Variants in MUSK observed in about 807,000 individuals in gnomAD.
The protein encoded by MUSK is muscle, skeletal receptor tyrosine-protein kinase.
MUSK carries 55 observed loss-of-function variants against 88.7 expected under a neutral mutation model. The observed-to-expected ratio is 0.62, with a 90% CI of 0.50 to 0.78. The LOEUF is 0.78. Among genes scored for constraint, MUSK ranks in the 30% least tolerant of loss-of-function variants. MUSK has a pLI of 0.00. For missense variants in MUSK, 1,015 were observed against 1,074.3 expected, an observed-to-expected ratio of 0.94 and a Z score of 0.77; for synonymous variants, 387 against 391.9, an observed-to-expected ratio of 0.99 and a Z score of 0.15.
At chr9:110,753,339 T>A (rs1454462209) in intron 7 of MUSK, among the ~76,000 whole-genome samples, 1 of 151,208 alleles carries the variant, frequency 6.6e-6, no homozygotes, top group African/African-American at 2.4e-5. Context: ...GGCCGAGGCA[T>A]GAGAGTCACT....
At chr9:110,697,615 A>G in intron 5 of MUSK, 149 bp downstream of exon 5, 2 of 806,292 alleles carry the variant, frequency 2.5e-6, no homozygotes, top group Non-Finnish European at 3.5e-6. Context: ...CAAGCGTATG[A>G]TAACAGAAAA....
rs1434138782 is a variant in MUSK, at chr9:110,673,391, A to G, written c.79+4408A>G. The stretch of plus-strand genomic sequence containing the variant: ...CCATTTCTGGTCTGCAAGTGGAAAT[A>G]TTAATAGTATCTACCTTTTTTGTGT... On this transcript the variant is annotated intron_variant, in intron 1 of 14. Transcript: ENST00000374448. Among the ~76,000 whole-genome samples the G allele has an allele frequency of 2.6e-5, 4 of 152,194 alleles. No individual in the cohort carries two copies. In the South Asian group the frequency reaches 6.2e-4, roughly 24 times the overall value.
At chr9:110,718,937 C>T (rs2076777994) in intron 5 of MUSK, among the ~76,000 whole-genome samples, 1 of 151,972 alleles carries the variant, frequency 6.6e-6, no homozygotes, top group African/African-American at 2.4e-5. Context: ...TTTTAGCCTC[C>T]TAAAACAAAG....
intron 5 of MUSK, among the ~76,000 whole-genome samples, chr9:110,700,643 T>C (rs964008088): frequency 3.2e-4 from 49 of 152,090 alleles, no homozygotes; most frequent in Non-Finnish European, 2.9e-4. Context: ...TGTAAAAAAA[T>C]TTAAATGTTA....
chr9:110,734,562 C>T lies in MUSK; in HGVS notation c.753+187C>T, dbSNP rs144567710. On this transcript the variant is annotated intron_variant, in intron 6 of 14. Coordinates refer to ENST00000374448, the MANE Select transcript of MUSK (RefSeq NM_005592.4). ...AAATCAAACTCCAAGAGTTTGCTTCCTTCCATGTATCATGAGGAATACTAG... is the reference window on the plus strand; with the variant it reads ...AAATCAAACTCCAAGAGTTTGCTTCTTTCCATGTATCATGAGGAATACTAG... Among the ~76,000 whole-genome samples the T allele has an allele frequency of 3.9e-5, 6 of 152,222 alleles. 1 individual carries two copies. Among genetic ancestry groups the T allele is most frequent in the South Asian group, 2.1e-4 (1 of 4,824 alleles).
At chr9:110,781,568 T>G (rs949730002) in intron 11 of MUSK, among the ~76,000 whole-genome samples, 11 of 152,234 alleles carry the variant, frequency 7.2e-5, no homozygotes, top group Middle Eastern at 6.8e-3. Flanking sequence ...GAGCTACTGC[T>G]CCCAGCCCAC....
chr9:110,703,290 A>T (rs183068638), intron 5 of MUSK, among the ~76,000 whole-genome samples: 293 of 152,284 alleles, frequency 1.9e-3, no homozygotes, highest in African/African-American at 6.7e-3. Context: ...TAATCCCAGA[A>T]CTTTGGGAGG....
intron 6 of MUSK, among the ~76,000 whole-genome samples, chr9:110,736,883 T>C (rs2077036352): frequency 6.6e-6 from 1 of 152,118 alleles, no homozygotes; most frequent in Admixed American, 6.6e-5. Context: ...TCCCAGATAA[T>C]TATAACATGA....
Position 110,767,926 on chromosome 9 carries a change from G to T in MUSK, c.1027G>T (p.Asp343Tyr), listed in dbSNP as rs1466975443. 2.5e-6 allele frequency: 4 copies of T among 1,613,880 alleles called. No individual in the cohort carries two copies. The highest frequency in any genetic ancestry group is 3.4e-6 in the Non-Finnish European group (4 of 1,179,876). ...TGTTTTTCTCAACACCTCCTATGCG[G>T]ACCCTGAGGAGGCCCAAGAGCTACT... The part of the protein sequence containing the change: ...ALVFLNTSYA[D>Y]PEEAQELLVH... Residue 343 changes from aspartate (D) to tyrosine (Y), a missense_variant, in exon 9 of 15, where the codon GAC becomes TAC. By Grantham distance (160) the Asp-to-Tyr change is radical. Coordinates refer to ENST00000374448, the MANE Select transcript of MUSK (RefSeq NM_005592.4).
intron 3 of MUSK, among the ~76,000 whole-genome samples, chr9:110,692,034 C>CT (rs895232348): frequency 4.6e-5 from 7 of 151,816 alleles, no homozygotes; most frequent in African/African-American, 1.4e-4. Context: ...TAGGATTTTT[C>CT]TTTTTTTTCT....
At chr9:110,726,174 A>T (rs192668907) in intron 5 of MUSK, among the ~76,000 whole-genome samples, 72 of 152,154 alleles carry the variant, frequency 4.7e-4, no homozygotes, top group African/African-American at 1.6e-3. Context: ...AGAAATTTTG[A>T]TAGTCTATAA....
chr9:110,731,947 C>CTTTCCAATTACTATA (rs1554745971), intron 5 of MUSK, among the ~76,000 whole-genome samples: 3 of 151,336 alleles, frequency 2.0e-5, no homozygotes, highest in Non-Finnish European at 4.4e-5. Flanking sequence ...AAAATAAAAC[C>CTTTCCAATTACTATA]TTTCCAAGAA....
At chr9:110,685,294 T>A (rs1246539920) in intron 2 of MUSK, among the ~76,000 whole-genome samples, 2 of 152,130 alleles carry the variant, frequency 1.3e-5, no homozygotes, top group Non-Finnish European at 2.9e-5. Flanking sequence ...TATCCTTGTA[T>A]CCCAGGGATA....
At chr9:110,711,661 A>C (rs1261184292) in intron 5 of MUSK, among the ~76,000 whole-genome samples, 1 of 152,178 alleles carries the variant, frequency 6.6e-6, no homozygotes, top group African/African-American at 2.4e-5. Context: ...CCTCCAGTGG[A>C]ACAAACTTAA....
chr9:110,700,142 G>A (rs1302222797), intron 5 of MUSK, among the ~76,000 whole-genome samples: 1 of 152,174 alleles, frequency 6.6e-6, no homozygotes, highest in African/African-American at 2.4e-5. Context: ...CTCAAGCGTG[G>A]TGCAGCATGG....
intron 1 of MUSK, among the ~76,000 whole-genome samples, chr9:110,672,041 C>T (rs1228219298): frequency 6.6e-6 from 1 of 152,156 alleles, no homozygotes; most frequent in African/African-American, 2.4e-5. Flanking sequence ...ATGACTGACA[C>T]AGCTGTCATT....
chr9:110,734,510 T>A (rs1397501726), intron 6 of MUSK, 135 bp downstream of exon 6: 3 of 1,142,520 alleles, frequency 2.6e-6, no homozygotes, highest in Non-Finnish European at 3.7e-6. Flanking sequence ...CCTCCCAATA[T>A]CTTTGTCCTA....
In MUSK at chr9:110,800,730, T is replaced by C; in HGVS notation, c.2352T>C (p.Asp784=). ...IFYNRYTTES[D]VWAYGVVLWE... is the part of the protein sequence containing the mutation. Reference sequence around the variant, plus strand: ...ATAACCGCTACACTACAGAGTCTGATGTGTGGGCCTATGGCGTGGTCCTCT... The same window carrying C: ...ATAACCGCTACACTACAGAGTCTGACGTGTGGGCCTATGGCGTGGTCCTCT... The change falls in exon 15 of 15, where the codon GAT becomes GAC. Residue 784 remains aspartate, a synonymous_variant. Coordinates refer to ENST00000374448, the MANE Select transcript of MUSK (RefSeq NM_005592.4). The C allele has an allele frequency of 3.1e-6, 5 of 1,614,004 alleles. No homozygotes were observed. The highest frequency in any genetic ancestry group is 3.4e-6 in the Non-Finnish European group (4 of 1,179,896).
intron 13 of MUSK, among the ~76,000 whole-genome samples, chr9:110,787,396 A>G (rs377429014): frequency 6.6e-6 from 1 of 151,302 alleles, no homozygotes; most frequent in Admixed American, 6.6e-5. Flanking sequence ...TAGGATGGCA[A>G]TGATAATCCT....
Sources: allele counts gnomAD v4.1 joint callset (sites outside exome capture counted in the v4.1 genomes callset), GRCh38; gene constraint gnomAD v4.1.1; transcripts MANE v1.5; gene names NCBI Gene and HGNC (gene_info 2026-07-23, HGNC 2026-07-21).